The following CALML4 variants were observed in gnomAD, a reference collection of about 807,000 sequenced individuals.
The protein encoded by CALML4 is calmodulin like 4, also known as calmodulin-like protein 4.
In CALML4, 16 loss-of-function variants were observed where a neutral mutation model predicts 17.9. The observed-to-expected ratio is 0.89, with a 90% CI of 0.61 to 1.36. The LOEUF (loss-of-function observed/expected upper bound fraction) is 1.36. CALML4 is among the 40% of genes most tolerant of loss of function. The pLI is 0.00. For missense variants in CALML4, 203 were observed against 194.8 expected, an observed-to-expected ratio of 1.04 and a Z score of -0.25; for synonymous variants, 86 against 71.5, an observed-to-expected ratio of 1.20 and a Z score of -1.02.
rs1256311570 is a variant in CALML4, at chr15:68,205,088, T to C, written c.34+33A>G. On this transcript the variant is annotated intron_variant, in intron 2 of 4. Coordinates refer to ENST00000467889, the MANE Select transcript of CALML4 (RefSeq NM_033429.3). This position sits in a 1 kb window ranked among gnomAD's most constrained non-coding sequence, Gnocchi z 4.8. ...TTGCCTAATGAGACCCATATTTTGC[T>C]GAGTTGCTAATCAAAGAACAAACCC... 6.2e-7 allele frequency: 1 copy of C among 1,613,020 alleles called. No individual in the cohort carries two copies. The highest frequency in any genetic ancestry group is 1.7e-5 in the Admixed American group (1 of 60,006).
In CALML4 at chr15:68,197,601, G is replaced by A. The variant is rs2093150244; in HGVS notation, c.203C>T (p.Thr68Ile). 5 of 1,613,936 alleles carry A rather than the reference G, an allele frequency of 3.1e-6. No homozygotes were observed. The highest frequency in any genetic ancestry group is 1.7e-5 in the Admixed American group (1 of 59,972). Residue 68 changes from threonine to isoleucine, a missense_variant, in exon 4 of 5, where the codon ACT (threonine) becomes ATT (isoleucine). Physicochemically the swap from Thr to Ile is moderately conservative, Grantham distance 89 (BLOSUM62 -1). Coordinates refer to ENST00000467889, the MANE Select transcript of CALML4 (RefSeq NM_033429.3). This position sits in a 1 kb window ranked among gnomAD's most constrained non-coding sequence, Gnocchi z 4.1. ...IDGNGELDFSTFLTIMHMQIK... is the reference protein window; with the variant it reads ...IDGNGELDFSIFLTIMHMQIK... The stretch of plus-strand genomic sequence containing the variant: ...TTGCATGTGCATAATGGTCAGAAAA[G>A]TGGAGAAATCCAGCTCTCCATTTCC...
Position 68,194,043 on chromosome 15 carries a change from T to C in CALML4, c.434A>G (p.Lys145Arg), listed in dbSNP as rs771511931. ...GKVKYDEFIH[K>R]ITLPGRDY ...ATAGTCCCGTCCAGGAAGGGTGATC[T>C]TGTGGATAAATTCATCATACTTCAC... Residue 145 changes from lysine (K) to arginine (R), a missense_variant, in exon 5 of 5, where the codon AAG (lysine) becomes AGG (arginine). Physicochemically the swap from Lys to Arg is conservative, Grantham distance 26. Coordinates refer to ENST00000467889, the MANE Select transcript of CALML4 (RefSeq NM_033429.3). 1 of 1,614,122 alleles carries C rather than the reference T, an allele frequency of 6.2e-7. No individual in the cohort carries two copies. The highest frequency in any genetic ancestry group is 2.2e-5 in the East Asian group (1 of 44,886).
Position 68,205,063 on chromosome 15 carries a change from T to C in CALML4, c.34+58A>G, listed in dbSNP as rs187928744. On this transcript the variant is annotated intron_variant, in intron 2 of 4. Transcript: ENST00000467889. This position sits in a 1 kb window ranked among gnomAD's most constrained non-coding sequence, Gnocchi z 4.8. Reference sequence around the variant, plus strand: ...ACCAAGAAAACATGAGCAGAGCAAATTGCCTAATGAGACCCATATTTTGCT... The same window carrying C: ...ACCAAGAAAACATGAGCAGAGCAAACTGCCTAATGAGACCCATATTTTGCT... 77 of 1,587,142 alleles carry C rather than the reference T, an allele frequency of 4.9e-5. No individual in the cohort carries two copies. The East Asian group carries it at 1.3e-3, about 27-fold the overall frequency.
At position 68,197,620 on chromosome 15, in the gene CALML4, C is replaced by A. The variant is rs1232322933; in HGVS notation, c.184G>T (p.Gly62Ter). 1.2e-6 allele frequency: 2 copies of A among 1,613,652 alleles called. No individual in the cohort carries two copies. Among genetic ancestry groups the A allele is most frequent in the Non-Finnish European group, 1.7e-6 (2 of 1,179,848 alleles). ...AGAAAAGTGGAGAAATCCAGCTCTC[C>A]ATTTCCGTCTAGGAAACCCGCAAAC... The part of the protein sequence containing the change: ...HLQTHGIDGN[G>*]ELDFSTFLTI... Residue 62 changes from glycine to a stop codon, truncating the protein, a stop_gained, in exon 4 of 5, where the codon GGA (glycine) becomes TGA (stop). Transcript: ENST00000467889. LOFTEE classifies it high-confidence loss of function. The surrounding 1 kb of genome is among the most constrained non-coding windows in gnomAD (Gnocchi z 4.1).
chr15:68,196,576 T>C (rs2093145393), intron 4 of CALML4, among the ~76,000 whole-genome samples: 1 of 152,074 alleles, frequency 6.6e-6, no homozygotes. Flanking sequence ...AACCCCAGGC[T>C]CTAAGGTCGG....
At position 68,204,599 on chromosome 15, in the gene CALML4, G is replaced by A. The variant is rs531203217; in HGVS notation, c.34+522C>T. Among the ~76,000 whole-genome samples the A allele has an allele frequency of 1.3e-5, 2 of 152,326 alleles. No individual in the cohort carries two copies. The highest frequency in any genetic ancestry group is 4.8e-5 in the African/African-American group (2 of 41,576). On this transcript the variant is annotated intron_variant, in intron 2 of 4. Coordinates refer to ENST00000467889, the MANE Select transcript of CALML4 (RefSeq NM_033429.3). The surrounding 1 kb of genome is among the most constrained non-coding windows in gnomAD (Gnocchi z 6.0). ...ACTGAAGCCTGGTCGAGGGCTGGCA[G>A]AGTAGGGGACCCAGGGAATAAAGTG...
rs370408278 is a variant in CALML4, at chr15:68,199,577, C to T, written c.139G>A (p.Gly47Arg). ...MRCLGASPTP[G>R]EVQRHLQTHG... ...GTCTGCAGGTGCCGCTGCACCTCCC[C>T]TGGCGTCGGGCTGGCCCCCAGGCAC... Residue 47 changes from glycine to arginine, a missense_variant, in exon 3 of 5, where the codon GGG becomes AGG. Coordinates refer to ENST00000467889, the MANE Select transcript of CALML4 (RefSeq NM_033429.3). 1.9e-5 allele frequency: 31 copies of T among 1,613,702 alleles called. No homozygotes were observed. The highest frequency in any genetic ancestry group is 2.6e-5 in the Non-Finnish European group (31 of 1,179,964).
In CALML4 at chr15:68,197,076, A is replaced by G. The variant is rs2093147533; in HGVS notation, c.364+364T>C. On this transcript the variant is annotated intron_variant, in intron 4 of 4. Transcript: ENST00000467889. This position sits in a 1 kb window ranked among gnomAD's most constrained non-coding sequence, Gnocchi z 4.1. ...CGCTCACTCCCCCTGCTTCTTTATC[A>G]GTAGGAGCAGGCATTTGTGCTCCCA... is the stretch of plus-strand genomic sequence containing the variant. Among the ~76,000 whole-genome samples the G allele has an allele frequency of 6.6e-6, 1 of 152,118 alleles. No homozygotes were observed.
chr15:68,205,406 G>A (rs766777068), upstream of CALML4: 21 of 1,612,722 alleles, frequency 1.3e-5, no homozygotes, highest in Non-Finnish European at 1.8e-5. This position sits in a 1 kb window ranked among gnomAD's most constrained non-coding sequence, Gnocchi z 4.8. Flanking sequence ...ACCAGGGTCA[G>A]ATTCCAGCTT....
rs891152402 is a variant in CALML4, at chr15:68,190,758, TAAAA to T, written c.*3253_*3256del. 1.4e-5 allele frequency: 2 copies of T among 146,648 alleles called. No individual in the cohort carries two copies. Among genetic ancestry groups the T allele is most frequent in the Non-Finnish European group, 3.0e-5 (2 of 66,286 alleles). The allele number at this position is 146,648 out of a possible 1,614,324, so 9.1% of individuals were successfully genotyped here. On this transcript the variant is annotated 3_prime_UTR_variant, in exon 5 of 5. Coordinates refer to ENST00000467889, the MANE Select transcript of CALML4 (RefSeq NM_033429.3). This position sits in a 1 kb window ranked among gnomAD's most constrained non-coding sequence, Gnocchi z 4.7. Reference sequence around the variant, plus strand: ...TTCGTGAGTGTTATTGGATACATCTTAAAAAAAAAAAATCTGAACCAGAACCATG... The same window carrying T: ...TTCGTGAGTGTTATTGGATACATCTTAAAAAAAATCTGAACCAGAACCATG...
Position 68,191,010 on chromosome 15 carries a change from C to CTCA in CALML4, c.*3004_*3005insTGA, listed in dbSNP as rs2093117055. 1 of 152,282 alleles carries CTCA rather than the reference C, an allele frequency of 6.6e-6. No homozygotes were observed. Among genetic ancestry groups the CTCA allele is most frequent in the African/African-American group, 2.4e-5 (1 of 41,422 alleles). 9.4% of individuals were successfully genotyped at this position (152,282 alleles called of 1,614,324 possible). On this transcript the variant is annotated 3_prime_UTR_variant, in exon 5 of 5. Coordinates refer to ENST00000467889, the MANE Select transcript of CALML4 (RefSeq NM_033429.3). ...TTTTAGACAATTTCAATTTTAAACA[C>CTCA]ATAAAACTTTCAAGATCTTCAGGAC...
chr15:68,199,994 G>A (rs1478176074), intron 2 of CALML4: 2 of 186,694 alleles, frequency 1.1e-5, no homozygotes, highest in East Asian at 1.5e-4. Context: ...ATTTTATCTG[G>A]CTCCCCTTCC....
intron 4 of CALML4, among the ~76,000 whole-genome samples, chr15:68,194,606 ACTC>A (rs2093135107): frequency 6.7e-6 from 1 of 149,702 alleles, no homozygotes; most frequent in South Asian, 2.1e-4. Context: ...CTGGTCTTGA[ACTC>A]CTGACCTCAG....
intron 2 of CALML4, among the ~76,000 whole-genome samples, chr15:68,202,756 G>A (rs999471261): frequency 1.4e-5 from 2 of 143,702 alleles, no homozygotes; most frequent in African/African-American, 5.3e-5. Context: ...TGATTCTCCT[G>A]CCTCAGCCTC....
rs1466399103 is a variant in CALML4, at chr15:68,193,861, CTAT to C, written c.*151_*153del. The C allele has an allele frequency of 5.0e-6, 3 of 601,356 alleles. No homozygotes were observed. Among genetic ancestry groups the C allele is most frequent in the Non-Finnish European group, 9.0e-6 (3 of 332,360 alleles). The allele number at this position is 601,356 out of a possible 1,614,324, so 37.3% of individuals were successfully genotyped here. ...CTACTCATACCATGGCTGAAATCAT[CTAT>C]TATTGTTGCTAGTTAGCCTCTCTTC... On this transcript the variant is annotated 3_prime_UTR_variant, in exon 5 of 5. Coordinates refer to ENST00000467889, the MANE Select transcript of CALML4 (RefSeq NM_033429.3).
intron 4 of CALML4, among the ~76,000 whole-genome samples, chr15:68,196,742 C>G (rs550725295): frequency 6.6e-6 from 1 of 152,246 alleles, no homozygotes; most frequent in Admixed American, 6.5e-5. Flanking sequence ...TCCTAGAAGA[C>G]CCCAGGCCTC....
intron 2 of CALML4, among the ~76,000 whole-genome samples, chr15:68,201,703 A>C (rs2093166012): frequency 6.6e-6 from 1 of 152,152 alleles, no homozygotes; most frequent in Admixed American, 6.5e-5. Flanking sequence ...ATAGAGGCCC[A>C]CCTCCTCACA....
chr15:68,198,513 C>T (rs1397111634), intron 3 of CALML4: 1 of 152,246 alleles, frequency 6.6e-6, no homozygotes, highest in Non-Finnish European at 1.5e-5. Flanking sequence ...GTGTCCAGCC[C>T]CCAATGCAAA....
At position 68,197,407 on chromosome 15, in the gene CALML4, C is replaced by A; in HGVS notation, c.364+33G>T. The A allele has an allele frequency of 6.2e-7, 1 of 1,602,620 alleles. No individual in the cohort carries two copies. The highest frequency in any genetic ancestry group is 2.2e-5 in the East Asian group (1 of 44,774). ...CCTCCTTCCAACTCCCTAACCCCCT[C>A]CAACTGTTGGGAGACAGGACCCAGG... On this transcript the variant is annotated intron_variant, in intron 4 of 4. Coordinates refer to ENST00000467889, the MANE Select transcript of CALML4 (RefSeq NM_033429.3). The surrounding 1 kb of genome is among the most constrained non-coding windows in gnomAD (Gnocchi z 4.1).
Sources: allele counts gnomAD v4.1 joint callset (sites outside exome capture counted in the v4.1 genomes callset), GRCh38; gene constraint gnomAD v4.1.1; non-coding constraint Gnocchi (gnomAD v3.1); transcripts MANE v1.5; gene names NCBI Gene and HGNC (gene_info 2026-07-23, HGNC 2026-07-21).